The following BCL11B variants were observed in gnomAD, a reference collection of about 807,000 sequenced individuals.
BCL11B encodes the protein B-cell lymphoma/leukemia 11B.
In BCL11B, 8 loss-of-function variants were observed where a neutral mutation model predicts 49.9. That is an observed-to-expected ratio of 0.16 (90% CI 0.09 to 0.29). The LOEUF (loss-of-function observed/expected upper bound fraction) is 0.29. BCL11B is among the 10% of genes least tolerant of loss of function. The pLI is 1.00. For missense variants in BCL11B, 1,006 were observed against 1,351.0 expected, an observed-to-expected ratio of 0.74 and a Z score of 4.00; for synonymous variants, 739 against 637.4, an observed-to-expected ratio of 1.16 and a Z score of -2.40.
intron 2 of BCL11B, among the ~76,000 whole-genome samples, chr14:99,253,234 G>A (rs1235885107): frequency 6.6e-6 from 1 of 152,194 alleles, no homozygotes; most frequent in Non-Finnish European, 1.5e-5. Flanking sequence ...GAAACCCCCC[G>A]CCGGCTCCTC....
intron 1 of BCL11B, among the ~76,000 whole-genome samples, chr14:99,265,610 C>A (rs1027517911): frequency 1.3e-5 from 2 of 152,162 alleles, no homozygotes; most frequent in African/African-American, 4.8e-5. Flanking sequence ...GCTCAGAGAC[C>A]ACCGTCCGGC....
intron 3 of BCL11B, among the ~76,000 whole-genome samples, chr14:99,186,663 C>A (rs961265440): frequency 6.6e-6 from 1 of 152,178 alleles, no homozygotes; most frequent in Non-Finnish European, 1.5e-5. Context: ...TCAGAAAACA[C>A]GCAAGAAACT....
At chr14:99,267,958 T>C (rs1049945749) in intron 1 of BCL11B, among the ~76,000 whole-genome samples, 3 of 152,192 alleles carry the variant, frequency 2.0e-5, no homozygotes, top group African/African-American at 7.2e-5. Context: ...TTAAGTACTC[T>C]TCCCTTCACC....
Position 99,252,179 on chromosome 14 carries a change from G to A in BCL11B, c.427+5292C>T, listed in dbSNP as rs139946975. ...CAGACAGAACACTGCACTATTCCTC[G>A]GTGCAGACAGAACTAATAATTAGCT... On this transcript the variant is annotated intron_variant, in intron 2 of 3. Transcript: ENST00000357195. Among the ~76,000 whole-genome samples, 433 of 152,062 alleles carry A rather than the reference G, an allele frequency of 2.8e-3. 3 individuals are homozygous for A. Among genetic ancestry groups the A allele is most frequent in the African/African-American group, 0.01 (416 of 41,454 alleles).
chr14:99,211,527 C>T (rs986595817), intron 3 of BCL11B, among the ~76,000 whole-genome samples: 9 of 152,236 alleles, frequency 5.9e-5, no homozygotes, highest in African/African-American at 2.2e-4. Context: ...TGCACACTCA[C>T]ACATGCACTC....
At chr14:99,183,799 G>A (rs1404646033) in intron 3 of BCL11B, among the ~76,000 whole-genome samples, 3 of 151,334 alleles carry the variant, frequency 2.0e-5, no homozygotes, top group Non-Finnish European at 1.5e-5. Context: ...GGAGGACACC[G>A]CAACTCCACA....
In BCL11B at chr14:99,171,107, T is replaced by C. The variant is rs1157904767; in HGVS notation, c.*3044A>G. On this transcript the variant is annotated 3_prime_UTR_variant, in exon 4 of 4. Transcript: ENST00000357195. ...TTTACAAAAACTGATTTTTTTCCAC[T>C]CAACACAAATAATTTCCCATCTGGT... is the stretch of plus-strand genomic sequence containing the variant. 1 of 229,004 alleles carries C rather than the reference T, an allele frequency of 4.4e-6. No homozygotes were observed. The highest frequency in any genetic ancestry group is 8.7e-6 in the Non-Finnish European group (1 of 115,234). 14.2% of individuals were successfully genotyped at this position (229,004 alleles called of 1,614,324 possible).
chr14:99,246,898 G>A (rs1426852228), intron 2 of BCL11B, among the ~76,000 whole-genome samples: 6 of 152,158 alleles, frequency 3.9e-5, no homozygotes, highest in African/African-American at 1.4e-4. Flanking sequence ...CGGGGAAACC[G>A]GAAAATTGCA....
Position 99,272,169 on chromosome 14 carries a change from C to T in BCL11B, c.-951G>A, listed in dbSNP as rs1305718602. 6.6e-6 allele frequency among the ~76,000 whole-genome samples: 1 copy of T among 152,168 alleles called. No individual in the cohort carries two copies. The highest frequency in any genetic ancestry group is 1.5e-5 in the Non-Finnish European group (1 of 68,022). Reference sequence around the variant, plus strand: ...ACGTGAAGATGGCGGAGTCCGGGTTCTCTGGGAGCTCTCGGTCTCTCTATG... The same window carrying T: ...ACGTGAAGATGGCGGAGTCCGGGTTTTCTGGGAGCTCTCGGTCTCTCTATG... On this transcript the variant is annotated 5_prime_UTR_variant, in exon 1 of 4. Coordinates refer to ENST00000357195, the MANE Select transcript of BCL11B (RefSeq NM_138576.4). This position sits in a 1 kb window ranked among gnomAD's most constrained non-coding sequence, Gnocchi z 6.0.
chr14:99,169,938 G>A lies in BCL11B; in HGVS notation c.*4213C>T, dbSNP rs1408572575. On this transcript the variant is annotated 3_prime_UTR_variant, in exon 4 of 4. Transcript: ENST00000357195. ...TGTGGCAGTGCGGAAACCGGCCTGA[G>A]GTCGGCTGGGTCACCCATGCTAGAG... is the stretch of plus-strand genomic sequence containing the variant. 2.6e-5 allele frequency: 6 copies of A among 230,040 alleles called. No individual in the cohort carries two copies. Among genetic ancestry groups the A allele is most frequent in the South Asian group, 3.6e-4 (2 of 5,516 alleles). 14.2% of individuals were successfully genotyped at this position (230,040 alleles called of 1,614,324 possible).
chr14:99,260,210 A>C (rs1393122953), intron 1 of BCL11B, among the ~76,000 whole-genome samples: 4 of 152,200 alleles, frequency 2.6e-5, no homozygotes, highest in African/African-American at 9.6e-5. Flanking sequence ...AATTCAAAGG[A>C]AACAGGGGCG....
chr14:99,250,748 G>A (rs962841305), intron 2 of BCL11B, among the ~76,000 whole-genome samples: 6 of 151,990 alleles, frequency 3.9e-5, no homozygotes, highest in Non-Finnish European at 7.4e-5. Context: ...TCACCCCTTG[G>A]GAGCCCAGCT....
intron 3 of BCL11B, among the ~76,000 whole-genome samples, chr14:99,191,182 G>A (rs1887017969): frequency 6.8e-6 from 1 of 147,206 alleles, no homozygotes; most frequent in Non-Finnish European, 1.5e-5. Context: ...AATATTTGGA[G>A]ATATTTGTGA....
At chr14:99,265,408 T>C (rs990845494) in intron 1 of BCL11B, among the ~76,000 whole-genome samples, 1 of 152,080 alleles carries the variant, frequency 6.6e-6, no homozygotes, top group African/African-American at 2.4e-5. Flanking sequence ...AGAAGGTCCA[T>C]CCTTAAGCCA....
intron 2 of BCL11B, among the ~76,000 whole-genome samples, chr14:99,244,873 G>A (rs1888779395): frequency 6.6e-6 from 1 of 152,190 alleles, no homozygotes; most frequent in Admixed American, 6.5e-5. Context: ...CATATTATAA[G>A]TATATAGGTA....
intron 2 of BCL11B, among the ~76,000 whole-genome samples, chr14:99,236,504 G>A (rs1888503709): frequency 6.6e-6 from 1 of 152,156 alleles, no homozygotes; most frequent in Admixed American, 6.5e-5. Flanking sequence ...AAACTCCAGT[G>A]TGTGAGATTC....
At chr14:99,260,149 A>G (rs1015146543) in intron 1 of BCL11B, among the ~76,000 whole-genome samples, 1 of 152,182 alleles carries the variant, frequency 6.6e-6, no homozygotes, top group Non-Finnish European at 1.5e-5. Context: ...ATAGAGAGAG[A>G]GGCACAAAAG....
chr14:99,252,133 T>C (rs1202596465), intron 2 of BCL11B, among the ~76,000 whole-genome samples: 1 of 152,154 alleles, frequency 6.6e-6, no homozygotes, highest in African/African-American at 2.4e-5. Flanking sequence ...AACCCCAGCC[T>C]GAGCCCAGGG....
At position 99,271,148 on chromosome 14, in the gene BCL11B, C is replaced by A. The variant is rs773131447; in HGVS notation, c.58+13G>T. The A allele has an allele frequency of 1.9e-6, 3 of 1,548,414 alleles. No individual in the cohort carries two copies. Among genetic ancestry groups the A allele is most frequent in the African/African-American group, 2.8e-5 (2 of 70,552 alleles). On this transcript the variant is annotated intron_variant, in intron 1 of 3. Coordinates refer to ENST00000357195, the MANE Select transcript of BCL11B (RefSeq NM_138576.4). ...CATCTCCGGCCCCTCGCGCGCACTCCGCAGACACTTACGGGTGATGAGCTC... is the reference window on the plus strand; with the variant it reads ...CATCTCCGGCCCCTCGCGCGCACTCAGCAGACACTTACGGGTGATGAGCTC...
Sources: allele counts gnomAD v4.1 joint callset (sites outside exome capture counted in the v4.1 genomes callset), GRCh38; gene constraint gnomAD v4.1.1; non-coding constraint Gnocchi (gnomAD v3.1); transcripts MANE v1.5; gene names NCBI Gene and HGNC (gene_info 2026-07-23, HGNC 2026-07-21).